Variants in GON4L observed in about 807,000 individuals in gnomAD.
The protein encoded by GON4L is gon-4 like.
A neutral mutation model predicts 211.8 loss-of-function variants in GON4L; 87 were observed. The ratio of observed to expected loss-of-function variants is 0.41; its 90% CI spans 0.35 to 0.49. The LOEUF (loss-of-function observed/expected upper bound fraction) is 0.49. Ranked by LOEUF, GON4L falls within the 20% of genes least tolerant of loss-of-function variation. The probability of loss-of-function intolerance (pLI) is 0.15; values close to 1 mark genes in which losing one functional copy is unlikely to be tolerated. For synonymous variants in GON4L, 875 were observed against 962.6 expected, an observed-to-expected ratio of 0.91 and a Z score of 1.68; for missense variants, 2,155 against 2,659.5, an observed-to-expected ratio of 0.81 and a Z score of 4.17.
At chr1:155,780,795 G>C (rs185582199) in intron 14 of GON4L, among the ~76,000 whole-genome samples, 1 of 152,008 alleles carries the variant, frequency 6.6e-6, no homozygotes, top group Admixed American at 6.6e-5. Context: ...ATGCAATCAG[G>C]ATAAGACCTG....
At chr1:155,833,850 C>G (rs1417420430) in intron 2 of GON4L, among the ~76,000 whole-genome samples, 2 of 151,442 alleles carry the variant, frequency 1.3e-5, no homozygotes, top group Non-Finnish European at 2.9e-5. Context: ...TTTTTACAGA[C>G]AAGGTCTTGC....
At chr1:155,789,926 C>T (rs1170586492) in intron 12 of GON4L, among the ~76,000 whole-genome samples, 1 of 151,868 alleles carries the variant, frequency 6.6e-6, no homozygotes, top group Non-Finnish European at 1.5e-5. Context: ...CTTGTTATAC[C>T]TTATTATTTT....
At chr1:155,808,098 ATGATC>A (rs1231516637) in intron 10 of GON4L, among the ~76,000 whole-genome samples, 1 of 151,198 alleles carries the variant, frequency 6.6e-6, no homozygotes, top group Non-Finnish European at 1.5e-5. Flanking sequence ...GTGCAGGGGC[ATGATC>A]TCAGCTCACT....
rs772531281 is a variant in GON4L at position 155,826,889 on chromosome 1, C to T, written c.645G>A (p.Leu215=). 4 of 1,613,794 alleles carry T rather than the reference C, an allele frequency of 2.5e-6. No individual in the cohort carries two copies. The South Asian group carries it at 4.4e-5, about 18-fold the overall frequency. The change falls in exon 3 of 32, where the codon CTG becomes CTA. Residue 215 remains leucine (L), a synonymous_variant. Transcript: ENST00000368331. ...ASPQEKPLRT[L]FHQPEEEIED... The stretch of plus-strand genomic sequence containing the variant: ...CTATCTCTTCCTCAGGTTGGTGAAA[C>T]AGAGTCCTGAGTGGCTTTTCTTGAG...
At chr1:155,774,789 A>G in intron 17 of GON4L, 1 of 737,580 alleles carries the variant, frequency 1.4e-6, no homozygotes. Context: ...TATACTGTCC[A>G]CTGCCTCCAC....
chr1:155,789,610 T>G (rs545105427), intron 12 of GON4L, among the ~76,000 whole-genome samples: 2 of 144,836 alleles, frequency 1.4e-5, no homozygotes, highest in African/African-American at 5.1e-5. Flanking sequence ...TGTCTGAATT[T>G]AAAAAAAAAA....
chr1:155,754,501 TG>T lies in GON4L; in HGVS notation c.5518-14del. 8.0e-7 allele frequency: 1 copy of T among 1,256,070 alleles called. No homozygotes were observed. Among genetic ancestry groups the T allele is most frequent in the Non-Finnish European group, 1.1e-6 (1 of 875,000 alleles). The allele number at this position is 1,256,070 out of a possible 1,614,324, so 77.8% of individuals were successfully genotyped here. On this transcript the variant is annotated splice_polypyrimidine_tract_variant and intron_variant, in intron 27 of 31. Transcript: ENST00000368331. ...GCCATTCAGTCTCCTAGGAGATACT[TG>T]GGCTTGATTAGCTGCCAAGTTGTTT... is the stretch of plus-strand genomic sequence containing the variant.
intron 10 of GON4L, among the ~76,000 whole-genome samples, chr1:155,811,391 C>CAAAAAAAAAAAAAAAAAA: frequency 3.0e-5 from 1 of 33,170 alleles, no homozygotes; most frequent in Non-Finnish European, 4.5e-5. Flanking sequence ...GACTCCGTCT[C>CAAAAAAAAAAAAAAAAAA]AAAAAAAAAA....
In GON4L at chr1:155,853,328, G is replaced by A; in HGVS notation, c.453C>T (p.Thr151=). The A allele has an allele frequency of 6.2e-7, 1 of 1,613,922 alleles. No homozygotes were observed. Among genetic ancestry groups the A allele is most frequent in the Non-Finnish European group, 8.5e-7 (1 of 1,179,886 alleles). ...GCTCTCCTGAAAAAGGCTCCTTTAG[G>A]GTAAGATGATCACATCTGTCTTCTT... The part of the protein sequence containing the change: ...VTQEDRCDHL[T]LKEPFSGEPS... The change falls in exon 2 of 32, where the codon ACC becomes ACT. Residue 151 remains threonine (T), a synonymous_variant. Coordinates refer to ENST00000368331, the MANE Select transcript of GON4L (RefSeq NM_001282860.2).
rs761356243 is a variant in GON4L at position 155,765,239 on chromosome 1, T to G, written c.4234A>C (p.Lys1412Gln). ...SGTDVNKGSS[K>Q]NALSSMDPEV... ...GGATCCATTGAGGACAAAGCATTCT[T>G]TGATGATCCTTTGTTCACATCTGTC... is the stretch of plus-strand genomic sequence containing the variant. Residue 1412 changes from lysine (K) to glutamine (Q), a missense_variant, in exon 21 of 32, where the codon AAG becomes CAG. Lys to Gln is a moderately conservative substitution (Grantham distance 53). This residue lies in a region of GON4L where 615 missense variants were observed against 625.7 expected (regional missense o/e 0.98). Coordinates refer to ENST00000368331, the MANE Select transcript of GON4L (RefSeq NM_001282860.2). The G allele has an allele frequency of 6.2e-7, 1 of 1,614,180 alleles. No individual in the cohort carries two copies. The highest frequency in any genetic ancestry group is 1.3e-5 in the African/African-American group (1 of 75,072).
rs529864749 is a variant in GON4L, at chr1:155,845,760, T to C, written c.505+7516A>G. On this transcript the variant is annotated intron_variant, in intron 2 of 31. Coordinates refer to ENST00000368331, the MANE Select transcript of GON4L (RefSeq NM_001282860.2). The stretch of plus-strand genomic sequence containing the variant: ...ACTAGTGACATGAAGCCAAAGGACT[T>C]AGGGCTGCCTACAGAAGCATATATT... 31 of 265,730 alleles carry C rather than the reference T, an allele frequency of 1.2e-4. 1 individual carries two copies. Among genetic ancestry groups the C allele is most frequent in the Non-Finnish European group, 1.6e-4 (21 of 131,282 alleles). 16.5% of individuals were successfully genotyped at this position (265,730 alleles called of 1,614,324 possible).
At chr1:155,824,194 G>A (rs1029050028) in intron 3 of GON4L, among the ~76,000 whole-genome samples, 2 of 151,282 alleles carry the variant, frequency 1.3e-5, no homozygotes, top group African/African-American at 4.8e-5. Context: ...AAGCCAAGGC[G>A]GGCAGATCAT....
At position 155,849,143 on chromosome 1, in the gene GON4L, CAAAAAAAAAAAA is replaced by C. The variant is rs764161223; in HGVS notation, c.505+4121_505+4132del. The stretch of plus-strand genomic sequence containing the variant: ...AGCCTAAACAACAGAGACTCCATCT[CAAAAAAAAAAAA>C]AAAAAAAAAAAAAAAAGGGGCTGGG... On this transcript the variant is annotated intron_variant, in intron 2 of 31. Transcript: ENST00000368331. Among the ~76,000 whole-genome samples the C allele has an allele frequency of 2.1e-3, 248 of 120,016 alleles. 3 individuals are homozygous for C. The highest frequency in any genetic ancestry group is 3.8e-3 in the East Asian group (16 of 4,228). 78.7% of individuals were successfully genotyped at this position (120,016 alleles called of 152,430 possible).
chr1:155,760,390 C>T (rs1005591412), intron 24 of GON4L, 54 bp downstream of exon 24: 1 of 1,102,188 alleles, frequency 9.1e-7, no homozygotes, highest in Non-Finnish European at 1.3e-6. Context: ...CATTCAATCC[C>T]AGTCTCACTC....
In GON4L at chr1:155,765,536, G is replaced by C. The variant is rs749392051; in HGVS notation, c.3937C>G (p.Leu1313Val). The C allele has an allele frequency of 9.4e-5, 151 of 1,614,042 alleles. No homozygotes were observed. Among genetic ancestry groups the C allele is most frequent in the Non-Finnish European group, 1.2e-4 (146 of 1,180,054 alleles). The change falls in exon 21 of 32, where the codon CTA becomes GTA. Residue 1313 changes from leucine to valine, a missense_variant. Leu to Val is a conservative substitution (Grantham distance 32, BLOSUM62 1). Transcript: ENST00000368331. Reference protein sequence around the residue: ...EPLPQGIQESLNNPTPGDLEE... With the variant: ...EPLPQGIQESVNNPTPGDLEE... ...AAATCCCCAGGGGTAGGGTTGTTTA[G>C]AGACTCCTGGATGCCCTGAGGGAGC... is the stretch of plus-strand genomic sequence containing the variant.
chr1:155,780,019 G>A lies in GON4L; in HGVS notation c.1893-2199C>T, dbSNP rs544129289. Among the ~76,000 whole-genome samples, 199 of 151,442 alleles carry A rather than the reference G, an allele frequency of 1.3e-3. 1 individual carries two copies. The highest frequency in any genetic ancestry group is 4.5e-3 in the African/African-American group (185 of 41,332). ...TCGCCACGTTAGCCAGGCTAGTCTCGAACCACTGACCTAAAGTGATCCACC... is the reference window on the plus strand; with the variant it reads ...TCGCCACGTTAGCCAGGCTAGTCTCAAACCACTGACCTAAAGTGATCCACC... On this transcript the variant is annotated intron_variant, in intron 14 of 31. Coordinates refer to ENST00000368331, the MANE Select transcript of GON4L (RefSeq NM_001282860.2).
intron 2 of GON4L, among the ~76,000 whole-genome samples, chr1:155,835,701 CCAGCAATCCG>C (rs1429770867): frequency 6.6e-6 from 1 of 152,100 alleles, no homozygotes; most frequent in Non-Finnish European, 1.5e-5. Context: ...ATACAGCTAG[CCAGCAATCCG>C]CAGGTCTGCT....
intron 1 of GON4L, among the ~76,000 whole-genome samples, chr1:155,855,602 C>T (rs822493): frequency 0.021 from 3,268 of 152,206 alleles, 51 homozygotes; most frequent in Middle Eastern, 0.031. Context: ...TGTAGATACT[C>T]AATGAATGCT....
intron 15 of GON4L, among the ~76,000 whole-genome samples, chr1:155,777,346 C>T (rs529732157): frequency 9.2e-5 from 14 of 152,160 alleles, no homozygotes; most frequent in East Asian, 1.9e-4. Context: ...TTTAGGAGGC[C>T]GAGGCGGGCG....
Sources: allele counts gnomAD v4.1 joint callset (sites outside exome capture counted in the v4.1 genomes callset), GRCh38; gene constraint gnomAD v4.1.1; regional missense constraint gnomAD v4.1.1; transcripts MANE v1.5; gene names NCBI Gene and HGNC (gene_info 2026-07-23, HGNC 2026-07-21).